The following RPS29 variants were observed in gnomAD, a reference collection of about 807,000 sequenced individuals.
RPS29 encodes ribosomal protein S29.
For missense variants in RPS29, 60 were observed against 75.7 expected (o/e 0.79, Z 0.77); for synonymous variants, 37 against 26.9 (o/e 1.37, Z -1.16).
intron 1 of RPS29, among the ~76,000 whole-genome samples, chr14:49,597,009 G>T (rs1190739624): frequency 6.7e-6 from 1 of 150,366 alleles, no homozygotes; most frequent in Non-Finnish European, 1.5e-5. Context: ...CCGTCTCCCA[G>T]GTTCAAGCGA....
chr14:49,586,006 G>A lies in RPS29; in HGVS notation c.106C>T (p.Leu36Phe). The change falls in exon 2 of 3, where the codon CTC becomes TTC. Residue 36 changes from leucine (L) to phenylalanine (F), a missense_variant. Transcript: ENST00000245458. ...CGGAAACACTGGCGGCACATATTGA[G>A]GCCATATTTCCGGATCAGACCGTGC... ...NRHGLIRKYG[L>F]NMCRQCFRQY... The A allele has an allele frequency of 1.9e-6, 3 of 1,613,958 alleles. No homozygotes were observed. The highest frequency in any genetic ancestry group is 2.2e-5 in the South Asian group (2 of 91,074).
At chr14:49,582,706 TCAGGAGGCACAGGGTATA>T (rs1386124815), downstream of RPS29, among the ~76,000 whole-genome samples, 3 of 152,202 alleles carry the variant, frequency 2.0e-5, no homozygotes, top group Non-Finnish European at 4.4e-5. Context: ...GTACACCAAT[TCAGGAGGCACAGGGTATA>T]CCCTAACAAC....
downstream of RPS29, among the ~76,000 whole-genome samples, chr14:49,582,021 A>AAAAAAAAAAAAAAAAAAAAAAAAAAC (rs1881353323): frequency 6.6e-6 from 1 of 151,576 alleles, no homozygotes. Context: ...CCAAAAAAAA[A>AAAAAAAAAAAAAAAAAAAAAAAAAAC]AAAAAAAAAA....
exon 3 of RPS29, chr14:49,575,353 C>A (rs1270024076): frequency 6.6e-6 from 1 of 152,220 alleles, no homozygotes; most frequent in Non-Finnish European, 1.5e-5. Context: ...TCAGGGATCT[C>A]TTTCTAAGGG....
upstream of RPS29, among the ~76,000 whole-genome samples, chr14:49,589,534 C>T (rs182024388): frequency 4.5e-3 from 678 of 152,266 alleles, 1 homozygote; most frequent in Non-Finnish European, 7.5e-3. Context: ...GATCATCCAT[C>T]CAGAATTTAA....
chr14:49,593,628 A>C (rs1160370031), intron 1 of RPS29, among the ~76,000 whole-genome samples: 3 of 137,908 alleles, frequency 2.2e-5, no homozygotes, highest in Non-Finnish European at 4.6e-5. Context: ...GGGAAGTGGA[A>C]GTTGCAATGA....
At chr14:49,577,737 T>C in exon 3 of RPS29, 1 of 1,151,498 alleles carries the variant, frequency 8.7e-7, no homozygotes, top group Non-Finnish European at 1.3e-6. Flanking sequence ...TGGTTCCCAG[T>C]GAACTTGGTG....
chr14:49,576,323 GAAC>G (rs1465847677), exon 3 of RPS29: 1 of 151,764 alleles, frequency 6.6e-6, no homozygotes, highest in Non-Finnish European at 1.5e-5. Context: ...GGCTGGTCTG[GAAC>G]TCCTGGCATC....
intron 1 of RPS29, chr14:49,598,203 A>C (rs1881879621): frequency 1.8e-6 from 1 of 558,442 alleles, no homozygotes; most frequent in Non-Finnish European, 3.2e-6. Context: ...TAGAGCACAA[A>C]TTTTAAGGAG....
chr14:49,577,473 T>C (rs1881215264), exon 3 of RPS29: 1 of 459,776 alleles, frequency 2.2e-6, no homozygotes, highest in Non-Finnish European at 4.0e-6. Flanking sequence ...CCAAGATGGC[T>C]TTGCAGTTCT....
At chr14:49,592,975 A>G (rs988128339) in intron 1 of RPS29, among the ~76,000 whole-genome samples, 2 of 152,176 alleles carry the variant, frequency 1.3e-5, no homozygotes, top group African/African-American at 4.8e-5. Context: ...AAATTCTTTA[A>G]AGGTTACATG....
At chr14:49,583,553 C>A, downstream of RPS29, 1 of 1,129,562 alleles carries the variant, frequency 8.9e-7, no homozygotes, top group Non-Finnish European at 1.3e-6. Flanking sequence ...ATTCCAGTCA[C>A]ATTAGAACAC....
intron 1 of RPS29, among the ~76,000 whole-genome samples, chr14:49,597,312 C>T (rs1444613263): frequency 6.6e-6 from 1 of 152,222 alleles, no homozygotes; most frequent in African/African-American, 2.4e-5. Flanking sequence ...CTGCCTCGAG[C>T]CTCCCAAATT....
intron 1 of RPS29, among the ~76,000 whole-genome samples, chr14:49,593,692 CAAAAAAAAAA>C (rs10647593): frequency 5.3e-5 from 3 of 56,302 alleles, no homozygotes; most frequent in African/African-American, 6.5e-5. Flanking sequence ...GACTCTGTCT[CAAAAAAAAAA>C]AAAAAAAAAA....
chr14:49,598,699 C>T (rs1881901773), upstream of RPS29: 1 of 699,838 alleles, frequency 1.4e-6, no homozygotes, highest in Non-Finnish European at 2.6e-6. Context: ...ACAGAAACAA[C>T]CACCGCTGCC....
chr14:49,583,139 A>G (rs1047521432), downstream of RPS29, among the ~76,000 whole-genome samples: 2 of 152,336 alleles, frequency 1.3e-5, no homozygotes, highest in African/African-American at 4.8e-5. Context: ...CAGGTTTTGT[A>G]AAGTATAAAA....
At chr14:49,577,592 G>A (rs1881218927) in exon 3 of RPS29, 2 of 675,822 alleles carry the variant, frequency 3.0e-6, no homozygotes, top group African/African-American at 1.8e-5. Flanking sequence ...CCACTGGGCA[G>A]TATGTGCTTT....
At chr14:49,589,442 A>G (rs1881666709), upstream of RPS29, among the ~76,000 whole-genome samples, 1 of 152,258 alleles carries the variant, frequency 6.6e-6, no homozygotes, top group Admixed American at 6.5e-5. Flanking sequence ...TTTTAAGTAC[A>G]TTGGAATAAT....
chr14:49,579,340 T>C (rs1369064582), downstream of RPS29, among the ~76,000 whole-genome samples: 1 of 152,206 alleles, frequency 6.6e-6, no homozygotes, highest in Non-Finnish European at 1.5e-5. Flanking sequence ...ATGTCTGTTA[T>C]TTAAGCCACT....
Sources: allele counts gnomAD v4.1 joint callset (sites outside exome capture counted in the v4.1 genomes callset), GRCh38; gene constraint gnomAD v4.1.1; transcripts MANE v1.5; gene names NCBI Gene and HGNC (gene_info 2026-07-23, HGNC 2026-07-21).